KIAA1217: variants seen among roughly 807,000 people sequenced by gnomAD.
The protein encoded by KIAA1217 is KIAA1217.
Under a neutral mutation model 163.9 loss-of-function variants are expected in KIAA1217, and 88 were observed. The observed-to-expected ratio is 0.54, with a 90% CI of 0.45 to 0.64. The LOEUF is 0.64. Among genes scored for constraint, KIAA1217 ranks in the 30% least tolerant of loss-of-function variants. KIAA1217 has a pLI of 0.00. For missense variants in KIAA1217, 2,372 were observed against 2,475.0 expected (o/e 0.96, Z 0.88); for synonymous variants, 903 against 923.1 (o/e 0.98, Z 0.39).
intron 2 of KIAA1217, among the ~76,000 whole-genome samples, chr10:24,068,092 G>A (rs535219572): frequency 6.6e-5 from 10 of 152,306 alleles, no homozygotes; most frequent in South Asian, 2.1e-4. Context: ...TGTGCTTCCC[G>A]GGTGAGGCGA....
exon 2 of KIAA1217, chr10:24,007,340 T>C (rs1415604735): frequency 6.6e-6 from 1 of 152,188 alleles, no homozygotes; most frequent in African/African-American, 2.4e-5. Context: ...TACTTCTCCA[T>C]GGAGTCTTCC....
At chr10:23,706,488 T>C (rs980919030) in intron 1 of KIAA1217, among the ~76,000 whole-genome samples, 1 of 152,182 alleles carries the variant, frequency 6.6e-6, no homozygotes, top group Non-Finnish European at 1.5e-5. Flanking sequence ...TGAAATGGTA[T>C]TGGATTTTTT....
chr10:23,741,357 C>T (rs1036011638), intron 1 of KIAA1217, among the ~76,000 whole-genome samples: 3 of 152,150 alleles, frequency 2.0e-5, no homozygotes, highest in Admixed American at 1.3e-4. Context: ...CCTTCCTTGC[C>T]TCTCTTCCTC....
rs139217308 is a variant in KIAA1217, at chr10:24,531,908, G to A, written c.3161G>A (p.Arg1054Gln). The A allele has an allele frequency of 1.5e-5, 24 of 1,610,478 alleles. No homozygotes were observed. The highest frequency in any genetic ancestry group is 4.5e-5 in the East Asian group (2 of 44,782). Residue 1054 changes from arginine to glutamine, a missense_variant, in exon 15 of 21, where the codon CGA (arginine) becomes CAA (glutamine). This residue lies in a region of KIAA1217 where 1,431 missense variants were observed against 1,470.3 expected (regional missense o/e 0.97). Coordinates refer to ENST00000376454, the MANE Select transcript of KIAA1217 (RefSeq NM_019590.5). Reference protein sequence around the residue: ...SPPPPPPPPRRSYLPGSGLTT... With the variant: ...SPPPPPPPPRQSYLPGSGLTT... ...CCTCCTCCTCCGCCACCTCCTCGTC[G>A]AAGCTACCTGCCAGGATCGGGACTC...
intron 6 of KIAA1217, among the ~76,000 whole-genome samples, chr10:24,483,798 C>T (rs1413691228): frequency 6.6e-6 from 1 of 152,160 alleles, no homozygotes; most frequent in Non-Finnish European, 1.5e-5. Context: ...TTCCAGAACA[C>T]AAATGTTCCA....
At chr10:24,258,691 C>G (rs181520164) in intron 2 of KIAA1217, among the ~76,000 whole-genome samples, 5 of 151,814 alleles carry the variant, frequency 3.3e-5, no homozygotes, top group Admixed American at 3.3e-4. Context: ...CTCCCGGGTT[C>G]ACGCCATTCT....
chr10:24,403,428 G>A (rs769543200), intron 3 of KIAA1217, among the ~76,000 whole-genome samples: 8 of 151,914 alleles, frequency 5.3e-5, no homozygotes, highest in Admixed American at 6.6e-5. Flanking sequence ...TAGTAGAGAC[G>A]GGGTTTCACC....
At chr10:24,522,678 T>C (rs2071464908) in intron 12 of KIAA1217, among the ~76,000 whole-genome samples, 1 of 152,188 alleles carries the variant, frequency 6.6e-6, no homozygotes, top group South Asian at 2.1e-4. Context: ...AAAACACATA[T>C]GCATGCAAAA....
At chr10:24,424,505 G>C (rs1377862955) in intron 3 of KIAA1217, among the ~76,000 whole-genome samples, 2 of 152,252 alleles carry the variant, frequency 1.3e-5, no homozygotes, top group Non-Finnish European at 2.9e-5. Context: ...ATGGGAACTT[G>C]TCTAGTGAAT....
intron 1 of KIAA1217, among the ~76,000 whole-genome samples, chr10:23,956,758 A>G (rs1444297704): frequency 6.6e-6 from 1 of 152,166 alleles, no homozygotes; most frequent in African/African-American, 2.4e-5. Context: ...ATCTCGTGGC[A>G]AGAGTGGGAG....
intron 6 of KIAA1217, among the ~76,000 whole-genome samples, chr10:24,477,073 A>C (rs2064129886): frequency 6.6e-6 from 1 of 152,178 alleles, no homozygotes; most frequent in African/African-American, 2.4e-5. Flanking sequence ...TGTTTCTTAC[A>C]TGGGACAAAG....
chr10:24,099,745 C>CTACT, intron 2 of KIAA1217, among the ~76,000 whole-genome samples: 1 of 143,690 alleles, frequency 7.0e-6, no homozygotes, highest in Non-Finnish European at 1.5e-5. Flanking sequence ...CCCCCTCCCC[C>CTACT]CATCCCACAA....
At chr10:24,508,686 C>G (rs2068692404) in intron 9 of KIAA1217, among the ~76,000 whole-genome samples, 1 of 152,108 alleles carries the variant, frequency 6.6e-6, no homozygotes, top group Non-Finnish European at 1.5e-5. Context: ...TTGTTATATC[C>G]ATTTGTACAA....
rs1564672841 is a variant in KIAA1217 at position 24,077,528 on chromosome 10, GC to G, written c.-171+70156del. 1.1e-3 allele frequency among the ~76,000 whole-genome samples: 161 copies of G among 152,256 alleles called. 2 individuals are homozygous for G. The highest frequency in any genetic ancestry group is 3.6e-3 in the African/African-American group (151 of 41,556). On this transcript the variant is annotated intron_variant, in intron 2 of 18. Transcript: ENST00000376462. ...ACATGATCTCATTCCTTTTTATGGT[GC>G]CATAGTATTCTATGGTGTATACATA...
intron 2 of KIAA1217, among the ~76,000 whole-genome samples, chr10:24,326,501 T>A (rs576391324): frequency 9.2e-5 from 14 of 152,296 alleles, no homozygotes; most frequent in Admixed American, 3.3e-4. Flanking sequence ...GCTGTTGTAG[T>A]TATATAATTC....
chr10:24,299,260 C>A (rs188853347), intron 2 of KIAA1217, among the ~76,000 whole-genome samples: 2 of 152,142 alleles, frequency 1.3e-5, no homozygotes, highest in East Asian at 1.9e-4. Context: ...GCCTAACAAC[C>A]AACTTAGGTT....
At chr10:24,278,854 C>CTT (rs11288814) in intron 2 of KIAA1217, among the ~76,000 whole-genome samples, 15,407 of 140,748 alleles carry the variant, frequency 0.11, 1,538 homozygotes, top group East Asian at 0.32. Flanking sequence ...ACTCAGATTA[C>CTT]TTTTTTTTTT....
intron 2 of KIAA1217, among the ~76,000 whole-genome samples, chr10:24,278,122 G>T (rs1026157929): frequency 6.6e-6 from 1 of 152,210 alleles, no homozygotes; most frequent in Non-Finnish European, 1.5e-5. Context: ...GAGAGGCAGG[G>T]TCTGCATGAG....
At chr10:24,449,099 T>C (rs1306576150) in intron 5 of KIAA1217, among the ~76,000 whole-genome samples, 1 of 152,248 alleles carries the variant, frequency 6.6e-6, no homozygotes, top group Admixed American at 6.5e-5. Context: ...CTGTTATGAT[T>C]GATAAGGAAG....
Sources: allele counts gnomAD v4.1 joint callset (sites outside exome capture counted in the v4.1 genomes callset), GRCh38; gene constraint gnomAD v4.1.1; regional missense constraint gnomAD v4.1.1; transcripts MANE v1.5; gene names NCBI Gene and HGNC (gene_info 2026-07-23, HGNC 2026-07-21).